Variants in CA7 observed in about 807,000 individuals in gnomAD.
CA7 encodes carbonic anhydrase 7.
CA7 carries 13 observed loss-of-function variants against 31.4 expected under a neutral mutation model. The observed-to-expected ratio is 0.41, with a 90% CI of 0.27 to 0.66. The LOEUF is 0.66. Among genes scored for constraint, CA7 ranks in the 30% least tolerant of loss-of-function variants. The pLI is 0.28. For missense variants in CA7, 215 were observed against 351.0 expected (o/e 0.61, Z 3.10); for synonymous variants, 128 against 133.2 (o/e 0.96, Z 0.27).
chr16:66,852,563 AAAGAAAAAG>A, intron 5 of CA7, 140 bp from the exon 6 acceptor site: 1 of 537,954 alleles, frequency 1.9e-6, no homozygotes, highest in Admixed American at 4.1e-5. Context: ...AGAAAGAAAG[AAAGAAAAAG>A]AAAGAAAAGA....
At position 66,853,334 on chromosome 16, in the gene CA7, G is replaced by T; in HGVS notation, c.673-42G>T. 1.9e-6 allele frequency: 3 copies of T among 1,612,946 alleles called. No individual in the cohort carries two copies. The highest frequency in any genetic ancestry group is 1.7e-4 in the Middle Eastern group (1 of 6,056). ...GCATCTGGGGTCATAGAGGACCACA[G>T]CACCCCCAATCTGCCCTGAGCATTC... is the stretch of plus-strand genomic sequence containing the variant. On this transcript the variant is annotated intron_variant, in intron 6 of 6. Transcript: ENST00000338437. The surrounding 1 kb of genome is among the most constrained non-coding windows in gnomAD (Gnocchi z 4.5).
chr16:66,845,368 G>A (rs958417585), intron 1 of CA7: 1 of 306,618 alleles, frequency 3.3e-6, no homozygotes, highest in African/African-American at 2.3e-5. Flanking sequence ...GACAGGTGGG[G>A]TGCGGAGAAG....
In CA7 at chr16:66,853,999, G is replaced by A. The variant is rs1961121508; in HGVS notation, c.*501G>A. ...GCACCCAGCATGCTGGAGGTGACGTGGCCTTCTCCCTCCAGCCACCTGCTG... is the reference window on the plus strand; with the variant it reads ...GCACCCAGCATGCTGGAGGTGACGTAGCCTTCTCCCTCCAGCCACCTGCTG... On this transcript the variant is annotated 3_prime_UTR_variant, in exon 7 of 7. Transcript: ENST00000338437. The surrounding 1 kb of genome is among the most constrained non-coding windows in gnomAD (Gnocchi z 4.5). 1 of 155,458 alleles carries A rather than the reference G, an allele frequency of 6.4e-6. No homozygotes were observed. The highest frequency in any genetic ancestry group is 2.4e-5 in the African/African-American group (1 of 41,480). 9.6% of individuals were successfully genotyped at this position (155,458 alleles called of 1,614,324 possible).
At chr16:66,844,901 G>A in intron 1 of CA7, 1 of 1,050,016 alleles carries the variant, frequency 9.5e-7, no homozygotes, top group South Asian at 4.5e-5. Flanking sequence ...GCCGCGGAGC[G>A]CTGTGCGCGG....
At chr16:66,846,995 C>T (rs373632795) in intron 1 of CA7, 35 bp from the exon 2 acceptor site, 25 of 1,597,988 alleles carry the variant, frequency 1.6e-5, no homozygotes, top group Non-Finnish European at 2.0e-5. Context: ...GAGATCCTGG[C>T]TGGCCTGAGT....
chr16:66,845,480 A>G (rs1053855906), intron 1 of CA7, among the ~76,000 whole-genome samples: 1 of 152,156 alleles, frequency 6.6e-6, no homozygotes, highest in African/African-American at 2.4e-5. Flanking sequence ...GAAGCCAGAA[A>G]GTTGCAGTAG....
chr16:66,844,659 C>T, intron 1 of CA7, 132 bp downstream of exon 1: 5 of 713,132 alleles, frequency 7.0e-6, no homozygotes, highest in Non-Finnish European at 8.7e-6. Flanking sequence ...ACCCCTCTTC[C>T]CATCCCGGCC....
In CA7 at chr16:66,853,560, G is replaced by C; in HGVS notation, c.*62G>C. On this transcript the variant is annotated 3_prime_UTR_variant, in exon 7 of 7. Transcript: ENST00000338437. This position sits in a 1 kb window ranked among gnomAD's most constrained non-coding sequence, Gnocchi z 4.5. Reference sequence around the variant, plus strand: ...CTTCTCAAGGGCTTCCATGTCAGCAGACACCAAACCATCTGAGGCTTCCTC... The same window carrying C: ...CTTCTCAAGGGCTTCCATGTCAGCACACACCAAACCATCTGAGGCTTCCTC... 2 of 1,600,698 alleles carry C rather than the reference G, an allele frequency of 1.2e-6. No individual in the cohort carries two copies. The highest frequency in any genetic ancestry group is 1.7e-6 in the Non-Finnish European group (2 of 1,174,628).
At chr16:66,852,554 GAAAGAAAGAAAGAA>G (rs1158198090) in intron 5 of CA7, among the ~76,000 whole-genome samples, 144 bp from the exon 6 acceptor site, 1 of 128,742 alleles carries the variant, frequency 7.8e-6, no homozygotes, top group Non-Finnish European at 1.7e-5. Flanking sequence ...AAGGAAGAAA[GAAAGAAAGAAAGAA>G]AAAGAAAGAA....
At position 66,853,589 on chromosome 16, in the gene CA7, G is replaced by A. The variant is rs949752743; in HGVS notation, c.*91G>A. Reference sequence around the variant, plus strand: ...CCAAACCATCTGAGGCTTCCTCCCTGGGGGGTGCTGGGGACCCTCCTTCAG... The same window carrying A: ...CCAAACCATCTGAGGCTTCCTCCCTAGGGGGTGCTGGGGACCCTCCTTCAG... On this transcript the variant is annotated 3_prime_UTR_variant, in exon 7 of 7. Transcript: ENST00000338437. This position sits in a 1 kb window ranked among gnomAD's most constrained non-coding sequence, Gnocchi z 4.5. The A allele has an allele frequency of 6.6e-7, 1 of 1,518,426 alleles. No homozygotes were observed. Among genetic ancestry groups the A allele is most frequent in the African/African-American group, 1.4e-5 (1 of 72,768 alleles). The allele number at this position is 1,518,426 out of a possible 1,614,324, so 94.1% of individuals were successfully genotyped here. A position where few individuals can be genotyped will look rare whatever the true frequency, so the allele number is the denominator to read the frequency against.
At chr16:66,845,608 G>GA (rs1196849353) in intron 1 of CA7, among the ~76,000 whole-genome samples, 2 of 152,114 alleles carry the variant, frequency 1.3e-5, no homozygotes, top group Non-Finnish European at 2.9e-5. Flanking sequence ...GAGACATTCA[G>GA]AAAAAGATGA....
intron 1 of CA7, chr16:66,845,100 G>A (rs1960899203): frequency 1.0e-6 from 1 of 985,504 alleles, no homozygotes; most frequent in Non-Finnish European, 1.2e-6. Context: ...ACACCGAGCA[G>A]GGTGTTTGCG....
chr16:66,852,874 C>T lies in CA7; in HGVS notation c.672+7C>T, dbSNP rs79483016. 25,657 of 1,611,520 alleles carry T rather than the reference C, an allele frequency of 0.016. 268 individuals are homozygous for T. The highest frequency in any genetic ancestry group is 0.018 in the Non-Finnish European group (21,104 of 1,178,348). ...CTGCATCTCTGAAAGGCAGGTGAGT[C>T]CTCTCAGAGGACCAGATGGAGGGAC... On this transcript the variant is annotated splice_region_variant and intron_variant, in intron 6 of 6. Transcript: ENST00000338437.
rs533152717 is a variant in CA7 at position 66,852,786 on chromosome 16, G to A, written c.591G>A (p.Pro197=). The A allele has an allele frequency of 7.4e-6, 12 of 1,613,948 alleles. No individual in the cohort carries two copies. Among genetic ancestry groups the A allele is most frequent in the Admixed American group, 6.7e-5 (4 of 59,988 alleles). The part of the protein sequence containing the change: ...LPASRHYWTY[P]GSLTTPPLSE... ...CCAGCCGGCACTACTGGACCTACCC[G>A]GGCTCTCTGACGACTCCCCCACTCA... Residue 197 remains proline (P), a synonymous_variant, in exon 6 of 7, where the codon CCG becomes CCA. Transcript: ENST00000338437.
intron 2 of CA7, among the ~76,000 whole-genome samples, chr16:66,849,981 G>C (rs982840146): frequency 1.3e-5 from 2 of 151,988 alleles, no homozygotes; most frequent in South Asian, 4.1e-4. Flanking sequence ...TTAGCCGGAT[G>C]TGGTGGCAGG....
At chr16:66,850,774 C>T (rs536913622) in intron 3 of CA7, 115 bp downstream of exon 3, 3 of 755,562 alleles carry the variant, frequency 4.0e-6, no homozygotes, top group Non-Finnish European at 4.7e-6. Context: ...AAGAGGAGCA[C>T]CCGGGGCCTT....
chr16:66,853,403 A>C lies in CA7; in HGVS notation c.700A>C (p.Thr234Pro), dbSNP rs1046095842. The change falls in exon 7 of 7, where the codon ACC (threonine) becomes CCC (proline). Residue 234 changes from threonine to proline, a missense_variant. Coordinates refer to ENST00000338437, the MANE Select transcript of CA7 (RefSeq NM_005182.3). The surrounding 1 kb of genome is among the most constrained non-coding windows in gnomAD (Gnocchi z 4.5). ...QMGKFRSLLF[T>P]SEDDERIHMV... ...GGGGAAGTTCCGGAGCCTGCTTTTT[A>C]CCTCGGAGGACGATGAGAGGATCCA... is the stretch of plus-strand genomic sequence containing the variant. The C allele has an allele frequency of 6.2e-7, 1 of 1,613,972 alleles. No individual in the cohort carries two copies. Among genetic ancestry groups the C allele is most frequent in the Non-Finnish European group, 8.5e-7 (1 of 1,179,988 alleles).
At chr16:66,845,085 T>G in intron 1 of CA7, 6 of 985,656 alleles carry the variant, frequency 6.1e-6, no homozygotes, top group Non-Finnish European at 7.2e-6. Flanking sequence ...TGTGTCTGGG[T>G]GTCTACACCG....
At position 66,850,631 on chromosome 16, in the gene CA7, C is replaced by A. The variant is rs1382409722; in HGVS notation, c.329C>A (p.Thr110Lys). Residue 110 changes from threonine (T) to lysine (K), a missense_variant, in exon 3 of 7, where the codon ACG becomes AAG. Thr to Lys is a moderately conservative substitution (Grantham distance 78, BLOSUM62 -1). Transcript: ENST00000338437. Reference sequence around the variant, plus strand: ...AAGCACGATGTGGGTTCTGAGCACACGGTGGACGGCAAGTCCTTCCCCAGC... The same window carrying A: ...AAGCACGATGTGGGTTCTGAGCACAAGGTGGACGGCAAGTCCTTCCCCAGC... ...GKKHDVGSEH[T>K]VDGKSFPSEL... is the part of the protein sequence containing the mutation. The A allele has an allele frequency of 1.9e-6, 3 of 1,612,976 alleles. No homozygotes were observed. Among genetic ancestry groups the A allele is most frequent in the Non-Finnish European group, 2.5e-6 (3 of 1,179,082 alleles).
Sources: gnomAD v4.1 joint callset for allele counts (sites outside exome capture counted in the v4.1 genomes callset) on GRCh38, gnomAD v4.1.1 for gene constraint, Gnocchi (gnomAD v3.1) non-coding constraint, MANE v1.5 for transcripts, NCBI Gene and HGNC (gene_info 2026-07-23, HGNC 2026-07-21) for gene names.